Variants in SLC4A5 observed in about 807,000 individuals in gnomAD.
The protein encoded by SLC4A5 is solute carrier family 4 member 5.
Under a neutral mutation model 120.4 loss-of-function variants are expected in SLC4A5, and 96 were observed. The observed-to-expected ratio is 0.80, with a 90% CI of 0.68 to 0.94. The LOEUF (loss-of-function observed/expected upper bound fraction) is 0.94. Among genes scored for constraint, SLC4A5 ranks in the 40% least tolerant of loss-of-function variants. The pLI is 0.00. For synonymous variants in SLC4A5, 550 were observed against 571.1 expected (o/e 0.96, Z 0.53); for missense variants, 1,259 against 1,459.5 (o/e 0.86, Z 2.24).
At chr2:74,319,197 C>T (rs1673035866) in intron 5 of SLC4A5, among the ~76,000 whole-genome samples, 1 of 152,050 alleles carries the variant, frequency 6.6e-6, no homozygotes, top group Non-Finnish European at 1.5e-5. Context: ...ATAACAGACA[C>T]TGGAGACTCC....
chr2:74,328,042 G>T, intron 5 of SLC4A5, 78 bp downstream of exon 5: 1 of 767,872 alleles, frequency 1.3e-6, no homozygotes, highest in Non-Finnish European at 1.6e-6. Flanking sequence ...AATACTCTGT[G>T]TTCATGCTAT....
At chr2:74,284,909 C>T (rs1421647557) in intron 8 of SLC4A5, among the ~76,000 whole-genome samples, 1 of 152,192 alleles carries the variant, frequency 6.6e-6, no homozygotes, top group Non-Finnish European at 1.5e-5. Flanking sequence ...CCCTCTCCAT[C>T]TGGATTTTTC....
intron 3 of SLC4A5, among the ~76,000 whole-genome samples, chr2:74,338,265 T>TG (rs1673542630): frequency 6.6e-6 from 1 of 152,092 alleles, no homozygotes; most frequent in African/African-American, 2.4e-5. Flanking sequence ...GACACATGGA[T>TG]GGGGGTTTGT....
At position 74,231,516 on chromosome 2, in the gene SLC4A5, A is replaced by C. The variant is rs565129408; in HGVS notation, c.2775-208T>G. Among the ~76,000 whole-genome samples the C allele has an allele frequency of 2.7e-3, 415 of 152,296 alleles. 4 individuals carry two copies. Among genetic ancestry groups the C allele is most frequent in the African/African-American group, 9.5e-3 (394 of 41,562 alleles). On this transcript the variant is annotated intron_variant, in intron 24 of 30. Coordinates refer to ENST00000394019, the Ensembl canonical transcript of SLC4A5. ...CCTGACTGGGGCAAGGGCATCTTGCAGGAGCATTGAGGGAGGCCGCTTAGT... is the reference window on the plus strand; with the variant it reads ...CCTGACTGGGGCAAGGGCATCTTGCCGGAGCATTGAGGGAGGCCGCTTAGT...
chr2:74,252,533 A>C (rs1393155306), intron 15 of SLC4A5, 145 bp from the exon 16 acceptor site: 1 of 896,782 alleles, frequency 1.1e-6, no homozygotes, highest in East Asian at 2.6e-5. Context: ...TAGATTTTAC[A>C]AATGTTCACA....
chr2:74,271,308 C>A (rs1671468398), intron 8 of SLC4A5, among the ~76,000 whole-genome samples: 1 of 152,110 alleles, frequency 6.6e-6, no homozygotes, highest in Non-Finnish European at 1.5e-5. Context: ...ACCTGAAGCA[C>A]TTTAGAAACC....
At chr2:74,340,929 C>G (rs958704596) in intron 2 of SLC4A5, among the ~76,000 whole-genome samples, 4 of 152,130 alleles carry the variant, frequency 2.6e-5, no homozygotes, top group Non-Finnish European at 5.9e-5. Flanking sequence ...TAAAATGAGA[C>G]TGAGACCAAG....
At chr2:74,310,902 G>T (rs1484160805) in intron 6 of SLC4A5, among the ~76,000 whole-genome samples, 1 of 149,924 alleles carries the variant, frequency 6.7e-6, no homozygotes, top group Non-Finnish European at 1.5e-5. Context: ...ATGTTTGGTA[G>T]AATTCACTAG....
exon 8 of SLC4A5, chr2:74,285,902 C>G: frequency 1.3e-6 from 2 of 1,593,996 alleles, no homozygotes. Flanking sequence ...AGCTGGGGAC[C>G]CTGCAAAAGA....
intron 8 of SLC4A5, among the ~76,000 whole-genome samples, chr2:74,281,694 C>T (rs954935943): frequency 1.2e-4 from 19 of 152,168 alleles, no homozygotes; most frequent in African/African-American, 4.6e-4. Context: ...AGGAGTGACT[C>T]CTCCAAGGGC....
chr2:74,228,873 T>C (rs1694950142), intron 25 of SLC4A5, among the ~76,000 whole-genome samples: 1 of 152,130 alleles, frequency 6.6e-6, no homozygotes, highest in Non-Finnish European at 1.5e-5. Flanking sequence ...TCTACAAGAA[T>C]GATTCCAAAT....
chr2:74,262,020 C>T (rs1156861834), intron 11 of SLC4A5, 117 bp downstream of exon 11: 1 of 881,588 alleles, frequency 1.1e-6, no homozygotes, highest in South Asian at 1.9e-5. Context: ...CTGATGCATG[C>T]CCTGAGAATT....
chr2:74,299,447 GCTC>G (rs1317414076), intron 7 of SLC4A5, among the ~76,000 whole-genome samples: 8 of 152,296 alleles, frequency 5.3e-5, no homozygotes, highest in African/African-American at 1.9e-4. Context: ...ACATGCCTTT[GCTC>G]CTCCTTCACC....
At chr2:74,271,987 G>C (rs1469239667) in intron 8 of SLC4A5, among the ~76,000 whole-genome samples, 2 of 152,126 alleles carry the variant, frequency 1.3e-5, no homozygotes, top group Non-Finnish European at 2.9e-5. Flanking sequence ...GGAGGCTGAG[G>C]TAGGAGGATT....
At chr2:74,234,096 A>C (rs1024319684) in intron 22 of SLC4A5, among the ~76,000 whole-genome samples, 6 of 152,146 alleles carry the variant, frequency 3.9e-5, no homozygotes, top group Non-Finnish European at 8.8e-5. Flanking sequence ...AAAAACCTTA[A>C]AGACAGGGAG....
chr2:74,290,922 G>A (rs941765956), intron 7 of SLC4A5, among the ~76,000 whole-genome samples: 2 of 152,120 alleles, frequency 1.3e-5, no homozygotes, highest in African/African-American at 2.4e-5. Flanking sequence ...AGGATGTGCT[G>A]TGAGATTCCC....
chr2:74,290,848 T>C (rs1235154491), intron 7 of SLC4A5: 3 of 773,976 alleles, frequency 3.9e-6, no homozygotes, highest in Non-Finnish European at 4.7e-6. Flanking sequence ...GTGCTTCCTA[T>C]GTGCCTGTGG....
chr2:74,334,599 T>G (rs1673438654), intron 3 of SLC4A5, among the ~76,000 whole-genome samples: 1 of 152,216 alleles, frequency 6.6e-6, no homozygotes, highest in Non-Finnish European at 1.5e-5. Context: ...TTGTTCACTT[T>G]TTGTCTGTTC....
chr2:74,254,618 C>G lies in SLC4A5; in HGVS notation c.1113+1G>C. 8 of 1,613,640 alleles carry G rather than the reference C, an allele frequency of 5.0e-6. No homozygotes were observed. Among genetic ancestry groups the G allele is most frequent in the Non-Finnish European group, 6.8e-6 (8 of 1,179,580 alleles). On this transcript the variant is annotated splice_donor_variant, in intron 14 of 30. Coordinates refer to ENST00000394019, the Ensembl canonical transcript of SLC4A5. LOFTEE classifies it high-confidence loss of function. ...AGTACAAGCTTCTGGTTACCACTTA[C>G]ATCATCTACCATGAGGGTTGCAATG...
Sources: allele counts gnomAD v4.1 joint callset (sites outside exome capture counted in the v4.1 genomes callset), GRCh38; gene constraint gnomAD v4.1.1; transcripts MANE v1.5; gene names NCBI Gene and HGNC (gene_info 2026-07-23, HGNC 2026-07-21).